The following FANK1 variants were observed in gnomAD, a reference collection of about 807,000 sequenced individuals.
FANK1 encodes fibronectin type 3 and ankyrin repeat domains protein 1.
A neutral mutation model predicts 45.3 loss-of-function variants in FANK1; 44 were observed. The observed-to-expected ratio is 0.97, with a 90% CI of 0.76 to 1.25. The LOEUF (loss-of-function observed/expected upper bound fraction) is 1.25, where lower values mean the gene tolerates loss of function less well. Ranked by LOEUF, FANK1 falls within the 50% of genes most tolerant of loss-of-function variation. The probability of loss-of-function intolerance (pLI) is 0.00; values close to 1 mark genes in which losing one functional copy is unlikely to be tolerated. For missense variants in FANK1, 391 were observed against 424.4 expected (o/e 0.92, Z 0.69); for synonymous variants, 149 against 152.5 (o/e 0.98, Z 0.17).
At chr10:125,970,168 G>A (rs1950409677) in intron 1 of FANK1, among the ~76,000 whole-genome samples, 1 of 152,202 alleles carries the variant, frequency 6.6e-6, no homozygotes, top group Non-Finnish European at 1.5e-5. Context: ...TGGCGGCCGG[G>A]CAGAGGGGCT....
chr10:126,009,391 GAAGA>G lies in FANK1; in HGVS notation c.995_998del (p.Glu332GlyfsTer28). ...TATCTAGAGTGTAGTCTCCTTATTAGAAGAAAGGAAAAAAAAGCAGAGGCCAAAG... is the reference window on the plus strand; with the variant it reads ...TATCTAGAGTGTAGTCTCCTTATTAGAAGGAAAAAAAAGCAGAGGCCAAAG... On this transcript the variant is annotated frameshift_variant, in exon 11 of 11. Transcript: ENST00000368693. LOFTEE classifies it high-confidence loss of function. The G allele has an allele frequency of 6.2e-7, 1 of 1,613,840 alleles. No homozygotes were observed. Among genetic ancestry groups the G allele is most frequent in the Non-Finnish European group, 8.5e-7 (1 of 1,179,972 alleles).
intron 1 of FANK1, among the ~76,000 whole-genome samples, chr10:125,966,725 C>T (rs897194781): frequency 6.6e-6 from 1 of 152,166 alleles, no homozygotes; most frequent in Admixed American, 6.5e-5. Context: ...TTATTTTTAT[C>T]AGACTTGTTG....
intron 1 of FANK1, among the ~76,000 whole-genome samples, chr10:125,901,683 A>G (rs1217408614): frequency 6.6e-6 from 1 of 152,022 alleles, no homozygotes; most frequent in African/African-American, 2.4e-5. Flanking sequence ...TCTGACTCCT[A>G]ATGTCCTTCA....
At chr10:125,961,460 A>G (rs891800251) in intron 1 of FANK1, among the ~76,000 whole-genome samples, 2 of 152,202 alleles carry the variant, frequency 1.3e-5, no homozygotes, top group South Asian at 4.1e-4. Context: ...GGGAAAGGAT[A>G]ATCTCTTCAA....
At chr10:125,946,987 C>G (rs1948848429) in intron 1 of FANK1, among the ~76,000 whole-genome samples, 2 of 142,230 alleles carry the variant, frequency 1.4e-5, no homozygotes, top group Non-Finnish European at 3.1e-5. Context: ...GAATTTTCAA[C>G]CCAGAATTTC....
At chr10:125,925,277 T>C (rs1947267305) in intron 1 of FANK1, among the ~76,000 whole-genome samples, 1 of 151,792 alleles carries the variant, frequency 6.6e-6, no homozygotes, top group African/African-American at 2.4e-5. Context: ...ATTCAAAAAA[T>C]ATACATCTTT....
chr10:125,985,373 C>T (rs1437143979), intron 2 of FANK1, among the ~76,000 whole-genome samples: 1 of 152,164 alleles, frequency 6.6e-6, no homozygotes. Context: ...TTTCATTTAA[C>T]ATCAAAATCT....
Position 125,936,508 on chromosome 10 carries a change from A to G in FANK1, c.13+39853A>G, listed in dbSNP as rs555411796. Among the ~76,000 whole-genome samples, 128 of 151,022 alleles carry G rather than the reference A, an allele frequency of 8.5e-4. 4 individuals carry two copies. In the South Asian group the frequency reaches 0.025, roughly 29 times the overall value. ...TTCTTCCTTTCCGGATTCAATCTCC[A>G]TGCTTGCCAAGGAAACCACAGCCCT... On this transcript the variant is annotated intron_variant, in intron 1 of 10. Coordinates refer to ENST00000368693, the MANE Select transcript of FANK1 (RefSeq NM_145235.5).
chr10:125,995,038 T>A, intron 3 of FANK1: 1 of 741,454 alleles, frequency 1.3e-6, no homozygotes, highest in Non-Finnish European at 1.6e-6. Context: ...TTTTTCCAAG[T>A]AGTTTAACAT....
At chr10:125,933,702 A>G (rs1051665587) in intron 1 of FANK1, among the ~76,000 whole-genome samples, 2 of 151,836 alleles carry the variant, frequency 1.3e-5, no homozygotes, top group Admixed American at 6.6e-5. Flanking sequence ...TTGGCTCTCT[A>G]GTTCCTTGAG....
intron 1 of FANK1, among the ~76,000 whole-genome samples, chr10:125,956,051 A>G (rs972303338): frequency 1.3e-5 from 2 of 152,178 alleles, no homozygotes; most frequent in African/African-American, 4.8e-5. Context: ...CTTCCATTTT[A>G]AAGTCAGAAT....
chr10:125,951,093 T>C, intron 1 of FANK1, among the ~76,000 whole-genome samples: 1 of 72,308 alleles, frequency 1.4e-5, no homozygotes, highest in African/African-American at 5.7e-5. Context: ...GGGACTGTGG[T>C]GGGGTGGGGG....
intron 1 of FANK1, among the ~76,000 whole-genome samples, chr10:125,951,719 A>G (rs1949246447): frequency 6.6e-6 from 1 of 152,132 alleles, no homozygotes; most frequent in African/African-American, 2.4e-5. Context: ...TGACATTTTG[A>G]GGCTCCTGCC....
intron 1 of FANK1, among the ~76,000 whole-genome samples, chr10:125,964,180 C>T (rs1053919433): frequency 7.0e-6 from 1 of 143,880 alleles, no homozygotes; most frequent in Non-Finnish European, 1.5e-5. Flanking sequence ...ATATCATTCT[C>T]TCTCTCTTTT....
intron 1 of FANK1, among the ~76,000 whole-genome samples, chr10:125,936,587 A>G (rs1010040656): frequency 2.0e-5 from 3 of 152,180 alleles, no homozygotes; most frequent in Non-Finnish European, 2.9e-5. Flanking sequence ...GTGTAAATAG[A>G]AGTATACAGT....
intron 2 of FANK1, among the ~76,000 whole-genome samples, chr10:125,982,348 C>G (rs778852599): frequency 2.0e-5 from 3 of 152,194 alleles, no homozygotes; most frequent in Non-Finnish European, 4.4e-5. Context: ...CTGCATTCTC[C>G]CCAGAGACCT....
chr10:125,904,436 A>T (rs969398120), intron 1 of FANK1, among the ~76,000 whole-genome samples: 1 of 128,860 alleles, frequency 7.8e-6, no homozygotes, highest in Non-Finnish European at 1.7e-5. Context: ...AACATTACAG[A>T]TTTTTTTTTT....
chr10:125,924,378 C>A (rs1360684579), intron 1 of FANK1, among the ~76,000 whole-genome samples: 1 of 151,482 alleles, frequency 6.6e-6, no homozygotes, highest in Non-Finnish European at 1.5e-5. Context: ...CTCAGCCTCC[C>A]GAGTAGCTGG....
chr10:125,916,681 A>G (rs1004867653), intron 1 of FANK1, among the ~76,000 whole-genome samples: 3 of 152,236 alleles, frequency 2.0e-5, no homozygotes, highest in Non-Finnish European at 1.5e-5. Context: ...TACACCATGG[A>G]TGAACCTGGA....
Sources: gnomAD v4.1 joint callset for allele counts (sites outside exome capture counted in the v4.1 genomes callset) on GRCh38, gnomAD v4.1.1 for gene constraint, MANE v1.5 for transcripts, NCBI Gene and HGNC (gene_info 2026-07-23, HGNC 2026-07-21) for gene names.